Variants in CCDC178 observed in about 807,000 individuals in gnomAD.
CCDC178 encodes coiled-coil domain-containing protein 178.
Under a neutral mutation model 117.4 loss-of-function variants are expected in CCDC178, and 126 were observed. The observed-to-expected ratio is 1.07, with a 90% CI of 0.93 to 1.24. CCDC178 has a LOEUF of 1.24. CCDC178 is among the 50% of genes most tolerant of loss of function. The pLI is 0.00. For missense variants in CCDC178, 1,030 were observed against 986.9 expected (o/e 1.04, Z -0.59); for synonymous variants, 283 against 313.4 (o/e 0.90, Z 1.02).
At chr18:33,121,735 T>C (rs941209688) in intron 20 of CCDC178, among the ~76,000 whole-genome samples, 1 of 152,084 alleles carries the variant, frequency 6.6e-6, no homozygotes, top group Non-Finnish European at 1.5e-5. Context: ...TGAACTTCAT[T>C]TATTTCTTCT....
intron 21 of CCDC178, among the ~76,000 whole-genome samples, chr18:33,047,617 C>T (rs1300383903): frequency 6.6e-6 from 1 of 152,100 alleles, no homozygotes; most frequent in African/African-American, 2.4e-5. Context: ...AGTGGTACTT[C>T]CAACCTAAAA....
intron 15 of CCDC178, among the ~76,000 whole-genome samples, chr18:33,238,022 G>A (rs1353612605): frequency 1.3e-5 from 2 of 152,178 alleles, no homozygotes; most frequent in African/African-American, 4.8e-5. Context: ...AGGCAAGTGA[G>A]ACACTTGCAA....
chr18:33,304,840 TA>T (rs1224120419), intron 11 of CCDC178, among the ~76,000 whole-genome samples: 4 of 152,194 alleles, frequency 2.6e-5, no homozygotes, highest in African/African-American at 9.6e-5. Context: ...GAAGGCACCA[TA>T]AAAGGATAAA....
intron 5 of CCDC178, among the ~76,000 whole-genome samples, chr18:33,383,763 T>C (rs1393034659): frequency 6.6e-6 from 1 of 152,022 alleles, no homozygotes; most frequent in Admixed American, 6.6e-5. Context: ...GAAAAGCCAA[T>C]GCAAAAACAC....
At chr18:33,159,690 T>A (rs1205955050) in intron 20 of CCDC178, among the ~76,000 whole-genome samples, 1 of 152,030 alleles carries the variant, frequency 6.6e-6, no homozygotes, top group Non-Finnish European at 1.5e-5. Context: ...ATCTTTAGAG[T>A]CCTTTTTTCC....
At chr18:33,177,799 T>C (rs1187199532) in intron 20 of CCDC178, among the ~76,000 whole-genome samples, 1 of 152,186 alleles carries the variant, frequency 6.6e-6, no homozygotes, top group Non-Finnish European at 1.5e-5. Flanking sequence ...TAGTATCTTT[T>C]ACTTTTCTGC....
intron 15 of CCDC178, among the ~76,000 whole-genome samples, chr18:33,243,917 A>AT (rs1317796982): frequency 1.7e-4 from 26 of 151,980 alleles, no homozygotes; most frequent in African/African-American, 6.3e-4. Flanking sequence ...TATTGATATT[A>AT]TTTTAAAAAT....
intron 21 of CCDC178, among the ~76,000 whole-genome samples, chr18:33,006,394 T>C (rs779713425): frequency 6.6e-6 from 1 of 152,144 alleles, no homozygotes; most frequent in African/African-American, 2.4e-5. Context: ...TTTGATAATT[T>C]TTTTTCTAAA....
intron 15 of CCDC178, among the ~76,000 whole-genome samples, chr18:33,242,127 C>T (rs2059495486): frequency 6.6e-6 from 1 of 151,796 alleles, no homozygotes; most frequent in Non-Finnish European, 1.5e-5. Context: ...TTACAGCCAA[C>T]TGATTTTTGA....
At chr18:32,969,355 G>A (rs965000068) in intron 22 of CCDC178, among the ~76,000 whole-genome samples, 4 of 151,966 alleles carry the variant, frequency 2.6e-5, no homozygotes, top group Non-Finnish European at 4.4e-5. Flanking sequence ...AATCACTGTA[G>A]TAACATCTTC....
chr18:33,277,554 A>G (rs1242262089), intron 12 of CCDC178, among the ~76,000 whole-genome samples: 1 of 152,082 alleles, frequency 6.6e-6, no homozygotes, highest in Non-Finnish European at 1.5e-5. Flanking sequence ...ACAAGCTGTA[A>G]TGAAGGTTTC....
At chr18:33,249,219 C>A (rs2059587447) in intron 14 of CCDC178, among the ~76,000 whole-genome samples, 1 of 152,022 alleles carries the variant, frequency 6.6e-6, no homozygotes, top group Non-Finnish European at 1.5e-5. Context: ...CTGTGGGTTG[C>A]CTGTTCACTC....
At chr18:32,990,514 T>A (rs2055365886) in intron 21 of CCDC178, among the ~76,000 whole-genome samples, 1 of 152,106 alleles carries the variant, frequency 6.6e-6, no homozygotes, top group Admixed American at 6.6e-5. Context: ...ATAAACTAAT[T>A]ATTTTGACAA....
chr18:33,250,222 G>A (rs938594234), intron 14 of CCDC178, among the ~76,000 whole-genome samples: 1 of 151,728 alleles, frequency 6.6e-6, no homozygotes, highest in Non-Finnish European at 1.5e-5. Flanking sequence ...TAAGGCACCA[G>A]ATAACTATTT....
rs746743467 is a variant in CCDC178 at position 33,346,216 on chromosome 18, T to C, written c.653A>G (p.Gln218Arg). Residue 218 changes from glutamine to arginine, a missense_variant, in exon 9 of 23, where the codon CAG becomes CGG. Gln to Arg is a conservative substitution (Grantham distance 43, BLOSUM62 1). Coordinates refer to ENST00000383096, the MANE Select transcript of CCDC178 (RefSeq NM_001105528.4). ...WKLQELPLAV[Q>R]KEHEAYLSDV... Reference sequence around the variant, plus strand: ...ATAAAAATCCCTATTATTACCTTTCTGCACAGCCAATGGGAGTTCTTGAAG... The same window carrying C: ...ATAAAAATCCCTATTATTACCTTTCCGCACAGCCAATGGGAGTTCTTGAAG... 1.9e-6 allele frequency: 3 copies of C among 1,607,922 alleles called. No individual in the cohort carries two copies. Among genetic ancestry groups the C allele is most frequent in the Non-Finnish European group, 8.5e-7 (1 of 1,175,628 alleles).
intron 12 of CCDC178, among the ~76,000 whole-genome samples, chr18:33,281,370 T>C (rs1278225900): frequency 6.6e-6 from 1 of 152,038 alleles, no homozygotes; most frequent in African/African-American, 2.4e-5. Flanking sequence ...ATTTAAATCG[T>C]AAATTATATT....
At chr18:33,007,965 ATCT>A (rs2055784327) in intron 21 of CCDC178, among the ~76,000 whole-genome samples, 1 of 152,158 alleles carries the variant, frequency 6.6e-6, no homozygotes, top group Non-Finnish European at 1.5e-5. Context: ...TTTCTCATTG[ATCT>A]TCTGGGTAGT....
chr18:33,237,140 G>T (rs1415266975), intron 15 of CCDC178, among the ~76,000 whole-genome samples: 1 of 152,142 alleles, frequency 6.6e-6, no homozygotes, highest in Non-Finnish European at 1.5e-5. Flanking sequence ...CTGGAGGCCA[G>T]TAGCCACTGC....
At chr18:33,400,096 A>ATTTT (rs34890018) in intron 3 of CCDC178, among the ~76,000 whole-genome samples, 1 of 137,724 alleles carries the variant, frequency 7.3e-6, no homozygotes, top group Non-Finnish European at 1.6e-5. Context: ...TTTTAAAGAA[A>ATTTT]TTTTTTTTTT....
Sources: allele counts gnomAD v4.1 joint callset (sites outside exome capture counted in the v4.1 genomes callset), GRCh38; gene constraint gnomAD v4.1.1; transcripts MANE v1.5; gene names NCBI Gene and HGNC (gene_info 2026-07-23, HGNC 2026-07-21).